LRBA: variants seen among roughly 807,000 people sequenced by gnomAD.
LRBA encodes LPS responsive beige-like anchor protein.
In LRBA, 176 loss-of-function variants were observed where a neutral mutation model predicts 330.0. The ratio of observed to expected loss-of-function variants is 0.53; its 90% CI spans 0.47 to 0.60. The LOEUF (loss-of-function observed/expected upper bound fraction) is 0.60, where lower values mean the gene tolerates loss of function less well. LRBA is among the 20% of genes least tolerant of loss of function. The probability of loss-of-function intolerance (pLI) is 0.00; values close to 1 mark genes in which losing one functional copy is unlikely to be tolerated. For synonymous variants in LRBA, 1,230 were observed against 1,193.0 expected (o/e 1.03, Z -0.64); for missense variants, 3,259 against 3,444.8 (o/e 0.95, Z 1.35).
chr4:150,800,224 T>C (rs1741402412), intron 33 of LRBA, among the ~76,000 whole-genome samples: 1 of 152,192 alleles, frequency 6.6e-6, no homozygotes, highest in African/African-American at 2.4e-5. Context: ...AAAGGTCAAA[T>C]AACATTTCAT....
At chr4:150,838,673 A>T (rs1365093479) in intron 28 of LRBA, among the ~76,000 whole-genome samples, 3 of 152,086 alleles carry the variant, frequency 2.0e-5, no homozygotes, top group African/African-American at 7.2e-5. Context: ...TACACTGGTT[A>T]TTCTAGTTTG....
intron 2 of LRBA, among the ~76,000 whole-genome samples, chr4:150,985,530 G>A (rs939678374): frequency 2.0e-5 from 3 of 148,864 alleles, no homozygotes; most frequent in Non-Finnish European, 3.0e-5. Flanking sequence ...ATGGAGTCTC[G>A]CTCTATTGCC....
chr4:150,661,252 C>A (rs1781061001), intron 37 of LRBA, among the ~76,000 whole-genome samples: 1 of 151,580 alleles, frequency 6.6e-6, no homozygotes, highest in Non-Finnish European at 1.5e-5. Context: ...GGGTCAATCA[C>A]CTGAGGTCAG....
At chr4:150,780,349 T>A (rs1737993658) in intron 34 of LRBA, among the ~76,000 whole-genome samples, 2 of 152,236 alleles carry the variant, frequency 1.3e-5, no homozygotes, top group Admixed American at 6.5e-5. Context: ...ATCTACAGAA[T>A]TTAAATTTTC....
chr4:150,377,272 A>C (rs996619035), intron 47 of LRBA, among the ~76,000 whole-genome samples: 1 of 151,488 alleles, frequency 6.6e-6, no homozygotes, highest in African/African-American at 2.4e-5. Flanking sequence ...AGTAGTCTAA[A>C]ATCTACACAG....
intron 36 of LRBA, among the ~76,000 whole-genome samples, chr4:150,686,056 T>C (rs1783598976): frequency 3.9e-5 from 6 of 152,192 alleles, no homozygotes; most frequent in Admixed American, 3.9e-4. Context: ...CAGGTTACGG[T>C]ATCACCCTTG....
intron 34 of LRBA, among the ~76,000 whole-genome samples, chr4:150,796,197 G>A (rs549588812): frequency 6.6e-6 from 1 of 151,740 alleles, no homozygotes; most frequent in Non-Finnish European, 1.5e-5. Context: ...GTAAAATGTC[G>A]ACTTGAAATT....
chr4:150,886,068 C>T (rs556461853), intron 17 of LRBA, among the ~76,000 whole-genome samples: 1 of 152,128 alleles, frequency 6.6e-6, no homozygotes, highest in South Asian at 2.1e-4. Flanking sequence ...CCCAATAAAG[C>T]CTCTCTGTCC....
At chr4:150,467,905 T>A (rs1755635676) in intron 43 of LRBA, 120 bp from the exon 44 acceptor site, 2 of 513,546 alleles carry the variant, frequency 3.9e-6, no homozygotes, top group Admixed American at 3.6e-5. Flanking sequence ...TCATTCTCAG[T>A]ATCCATACTT....
intron 40 of LRBA, among the ~76,000 whole-genome samples, chr4:150,570,439 G>A (rs1769695027): frequency 6.6e-6 from 1 of 152,012 alleles, no homozygotes; most frequent in African/African-American, 2.4e-5. Context: ...CATGGTTCTC[G>A]AGACATGTCA....
chr4:150,483,975 G>A (rs1479968574), intron 42 of LRBA, among the ~76,000 whole-genome samples: 2 of 152,010 alleles, frequency 1.3e-5, no homozygotes, highest in Non-Finnish European at 2.9e-5. Context: ...TACTGACCCA[G>A]TATGCTATGA....
At chr4:150,827,016 T>G (rs1746378528) in intron 30 of LRBA, among the ~76,000 whole-genome samples, 1 of 152,108 alleles carries the variant, frequency 6.6e-6, no homozygotes, top group African/African-American at 2.4e-5. Context: ...ACTATAGATA[T>G]GACAAAAAGG....
At chr4:150,784,941 T>G (rs111864008) in intron 34 of LRBA, among the ~76,000 whole-genome samples, 53 of 152,274 alleles carry the variant, frequency 3.5e-4, no homozygotes, top group African/African-American at 1.2e-3. Flanking sequence ...TCTCCCCAAT[T>G]TGTAACCACC....
chr4:150,453,315 T>G (rs1753622687), intron 44 of LRBA, among the ~76,000 whole-genome samples: 1 of 152,178 alleles, frequency 6.6e-6, no homozygotes, highest in African/African-American at 2.4e-5. Context: ...GATACTGATA[T>G]AAGGATATAC....
intron 37 of LRBA, among the ~76,000 whole-genome samples, chr4:150,667,470 C>G (rs1403288319): frequency 1.3e-5 from 2 of 152,074 alleles, no homozygotes; most frequent in African/African-American, 2.4e-5. Context: ...AAGCCATGAA[C>G]CAAGGAATGA....
At chr4:150,317,816 C>T (rs912205977) in intron 50 of LRBA, among the ~76,000 whole-genome samples, 2 of 152,096 alleles carry the variant, frequency 1.3e-5, no homozygotes, top group Non-Finnish European at 2.9e-5. Flanking sequence ...TATGTAATCT[C>T]TATGTTTCAA....
intron 44 of LRBA, among the ~76,000 whole-genome samples, chr4:150,461,606 C>A (rs1163704240): frequency 6.6e-6 from 1 of 151,602 alleles, no homozygotes; most frequent in Non-Finnish European, 1.5e-5. Context: ...TTACCACACA[C>A]AAAACACTTA....
chr4:150,390,130 C>T (rs1323608610), intron 47 of LRBA, among the ~76,000 whole-genome samples: 2 of 151,756 alleles, frequency 1.3e-5, no homozygotes, highest in African/African-American at 2.4e-5. Flanking sequence ...GTTATCACAC[C>T]GATTAAATAA....
chr4:150,840,896 C>G, intron 28 of LRBA: 1 of 1,057,210 alleles, frequency 9.5e-7, no homozygotes, highest in Non-Finnish European at 1.2e-6. Context: ...ATTGTTAATA[C>G]TTAATGTCAA....
Sources: gnomAD v4.1 joint callset for allele counts (sites outside exome capture counted in the v4.1 genomes callset) on GRCh38, gnomAD v4.1.1 for gene constraint, MANE v1.5 for transcripts, NCBI Gene and HGNC (gene_info 2026-07-23, HGNC 2026-07-21) for gene names.